Variants in VWA8 observed in about 807,000 individuals in gnomAD.
VWA8 encodes von Willebrand factor A domain-containing protein 8.
Under a neutral mutation model 241.5 loss-of-function variants are expected in VWA8, and 221 were observed. The ratio of observed to expected loss-of-function variants is 0.91; its 90% CI spans 0.82 to 1.02. The LOEUF (loss-of-function observed/expected upper bound fraction) is 1.02, where lower values mean the gene tolerates loss of function less well. Among genes scored for constraint, VWA8 ranks in the 50% least tolerant of loss-of-function variants. The pLI is 0.00. For synonymous variants in VWA8, 852 were observed against 827.1 expected, an observed-to-expected ratio of 1.03 and a Z score of -0.52; for missense variants, 2,322 against 2,328.7, an observed-to-expected ratio of 1.00 and a Z score of 0.06.
intron 2 of VWA8, among the ~76,000 whole-genome samples, chr13:41,934,434 C>T (rs79746323): frequency 6.6e-6 from 1 of 151,880 alleles, no homozygotes; most frequent in South Asian, 2.1e-4. Context: ...TAAACATCTA[C>T]CGCATGATGC....
chr13:41,787,366 T>TTA (rs1869241893), intron 18 of VWA8, 71 bp downstream of exon 18: 2 of 1,267,202 alleles, frequency 1.6e-6, no homozygotes, highest in Non-Finnish European at 2.3e-6. Context: ...TAACTGGAAT[T>TTA]AAAATAAACA....
intron 37 of VWA8, among the ~76,000 whole-genome samples, chr13:41,655,429 T>C (rs2044897339): frequency 6.6e-6 from 1 of 151,952 alleles, no homozygotes. Context: ...ACAACTCACA[T>C]TTAAGTGGTT....
At chr13:41,675,441 ACT>A in intron 35 of VWA8, 145 bp from the exon 36 acceptor site, 3 of 500,348 alleles carry the variant, frequency 6.0e-6, no homozygotes, top group Non-Finnish European at 1.0e-5. Context: ...TCATGGCTAG[ACT>A]CTGAGAAATA....
chr13:41,910,290 C>T (rs146395871), intron 3 of VWA8, among the ~76,000 whole-genome samples: 1 of 152,130 alleles, frequency 6.6e-6, no homozygotes, highest in Non-Finnish European at 1.5e-5. Flanking sequence ...AGCAAGTGCA[C>T]ATCTTAAAAT....
At chr13:41,892,628 G>A (rs1406673465) in intron 4 of VWA8, among the ~76,000 whole-genome samples, 1 of 152,042 alleles carries the variant, frequency 6.6e-6, no homozygotes, top group Non-Finnish European at 1.5e-5. Flanking sequence ...CAGAATCTTG[G>A]GGTTCTGAAA....
intron 2 of VWA8, among the ~76,000 whole-genome samples, chr13:41,949,322 G>C (rs1203267457): frequency 2.6e-5 from 4 of 152,156 alleles, no homozygotes; most frequent in Non-Finnish European, 5.9e-5. Flanking sequence ...CATGTCCTTT[G>C]CAGGGACATG....
rs547130242 is a variant in VWA8, at chr13:41,624,510, C to A, written c.4612-9426G>T. 2.0e-5 allele frequency among the ~76,000 whole-genome samples: 3 copies of A among 152,124 alleles called. No individual in the cohort carries two copies. In the South Asian group the frequency reaches 6.2e-4, roughly 31 times the overall value. ...TAGGCTTTAATATTGGGATGCAAGG[C>A]TGGTTCAACATATACAAATCAATAA... On this transcript the variant is annotated intron_variant, in intron 37 of 44. Transcript: ENST00000379310.
At chr13:41,696,923 G>A (rs759023269) in intron 29 of VWA8, among the ~76,000 whole-genome samples, 1 of 152,212 alleles carries the variant, frequency 6.6e-6, no homozygotes, top group Non-Finnish European at 1.5e-5. Context: ...TCACTCCCTT[G>A]GTGAGTTCTT....
chr13:41,701,614 T>G, intron 27 of VWA8, 84 bp from the exon 28 acceptor site: 1 of 1,308,026 alleles, frequency 7.6e-7, no homozygotes, highest in Non-Finnish European at 1.0e-6. Flanking sequence ...AAATATAAAC[T>G]TTAACATTCA....
At chr13:41,748,002 G>C (rs936136248) in intron 21 of VWA8, among the ~76,000 whole-genome samples, 3 of 152,174 alleles carry the variant, frequency 2.0e-5, no homozygotes, top group Non-Finnish European at 4.4e-5. Flanking sequence ...CGGTTTGCCA[G>C]TATTTTATTG....
rs1254321318 is a variant in VWA8 at position 41,691,949 on chromosome 13, A to G, written c.3676-11T>C. On this transcript the variant is annotated splice_polypyrimidine_tract_variant and intron_variant, in intron 30 of 44. Transcript: ENST00000379310. ...CATTTTATAAGTTTCCTAAAGACAAACAAAACAAGATATTCATATTAAATG... is the reference window on the plus strand; with the variant it reads ...CATTTTATAAGTTTCCTAAAGACAAGCAAAACAAGATATTCATATTAAATG... 1 of 1,572,044 alleles carries G rather than the reference A, an allele frequency of 6.4e-7. No homozygotes were observed. Among genetic ancestry groups the G allele is most frequent in the Admixed American group, 1.7e-5 (1 of 59,716 alleles).
At chr13:41,943,433 C>A (rs1877689635) in intron 2 of VWA8, among the ~76,000 whole-genome samples, 1 of 151,870 alleles carries the variant, frequency 6.6e-6, no homozygotes, top group African/African-American at 2.4e-5. Context: ...TTATAAAATT[C>A]TTAGGAAAAA....
intron 35 of VWA8, among the ~76,000 whole-genome samples, chr13:41,684,178 T>C (rs2045119390): frequency 6.6e-6 from 1 of 152,208 alleles, no homozygotes; most frequent in African/African-American, 2.4e-5. Flanking sequence ...GGTGATTTAT[T>C]TTCCATGAGT....
At chr13:41,911,399 G>T (rs1472013787) in intron 3 of VWA8, among the ~76,000 whole-genome samples, 1 of 152,052 alleles carries the variant, frequency 6.6e-6, no homozygotes, top group Non-Finnish European at 1.5e-5. Flanking sequence ...GTTGAGATTT[G>T]AGCTTCAGTT....
intron 12 of VWA8, among the ~76,000 whole-genome samples, chr13:41,842,570 CAGA>C (rs1294679805): frequency 6.6e-6 from 1 of 152,168 alleles, no homozygotes; most frequent in Non-Finnish European, 1.5e-5. Flanking sequence ...ACTATGAACA[CAGA>C]ATAAATTTCT....
In VWA8 at chr13:41,719,726, C is replaced by A; in HGVS notation, c.2981G>T (p.Gly994Val). 6.2e-7 allele frequency: 1 copy of A among 1,606,464 alleles called. No homozygotes were observed. The highest frequency in any genetic ancestry group is 1.1e-5 in the South Asian group (1 of 89,016). Reference sequence around the variant, plus strand: ...CACATTTCGAACTACACTGGAGAGACCTTCAGTCGGAAATTTCTGTATTAA... The same window carrying A: ...CACATTTCGAACTACACTGGAGAGAACTTCAGTCGGAAATTTCTGTATTAA... ...VKHLQKFPTE[G>V]LSSVVRNVFD... Residue 994 changes from glycine to valine, a missense_variant, in exon 26 of 45, where the codon GGT (glycine) becomes GTT (valine). Physicochemically the swap from Gly to Val is moderately radical, Grantham distance 109. Transcript: ENST00000379310.
chr13:41,734,472 T>C (rs147334495), intron 21 of VWA8, among the ~76,000 whole-genome samples: 106 of 152,196 alleles, frequency 7.0e-4, no homozygotes, highest in African/African-American at 2.4e-3. Context: ...CAAGATGGAG[T>C]TGAATTGGAA....
chr13:41,625,221 A>T (rs954105349), intron 37 of VWA8, among the ~76,000 whole-genome samples: 1 of 152,196 alleles, frequency 6.6e-6, no homozygotes, highest in Non-Finnish European at 1.5e-5. Context: ...AAAAGCCAAA[A>T]TTGACATATG....
chr13:41,582,671 A>T (rs981499261), intron 42 of VWA8, among the ~76,000 whole-genome samples: 1 of 152,110 alleles, frequency 6.6e-6, no homozygotes, highest in African/African-American at 2.4e-5. Context: ...AGTTATTCCT[A>T]TTCCCTTTAT....
Sources: gnomAD v4.1 joint callset for allele counts (sites outside exome capture counted in the v4.1 genomes callset) on GRCh38, gnomAD v4.1.1 for gene constraint, MANE v1.5 for transcripts, NCBI Gene and HGNC (gene_info 2026-07-23, HGNC 2026-07-21) for gene names.